KIF13A: variants seen among roughly 807,000 people sequenced by gnomAD.
KIF13A encodes the protein kinesin-like protein KIF13A.
KIF13A carries 79 observed loss-of-function variants against 212.2 expected under a neutral mutation model. The ratio of observed to expected loss-of-function variants is 0.37; its 90% CI spans 0.31 to 0.45. The LOEUF is 0.45. KIF13A is among the 20% of genes least tolerant of loss of function. KIF13A has a pLI of 1.00. For synonymous variants in KIF13A, 789 were observed against 808.6 expected, an observed-to-expected ratio of 0.98 and a Z score of 0.41; for missense variants, 1,901 against 2,209.0, an observed-to-expected ratio of 0.86 and a Z score of 2.79.
rs530282348 is a variant in KIF13A at position 17,886,650 on chromosome 6, A to C, written c.159+11518T>G. Among the ~76,000 whole-genome samples, 1 of 152,286 alleles carries C rather than the reference A, an allele frequency of 6.6e-6. No homozygotes were observed. Among genetic ancestry groups the C allele is most frequent in the East Asian group, 1.9e-4 (1 of 5,178 alleles). On this transcript the variant is annotated intron_variant, in intron 3 of 38. Transcript: ENST00000259711. The surrounding 1 kb of genome is among the most constrained non-coding windows in gnomAD (Gnocchi z 5.6). ...AGTGAGAACATTTGGTTCTGAACAAAGTCGGGCAGAAGGAAAGGGGAGAGT... is the reference window on the plus strand; with the variant it reads ...AGTGAGAACATTTGGTTCTGAACAACGTCGGGCAGAAGGAAAGGGGAGAGT...
intron 22 of KIF13A, among the ~76,000 whole-genome samples, chr6:17,797,273 C>A (rs1335658824): frequency 6.6e-6 from 1 of 152,050 alleles, no homozygotes. Context: ...TCGTGATCCA[C>A]CTGCCTCGGC....
Position 17,771,369 on chromosome 6 carries a change from A to G in KIF13A, c.4477-151T>C. ...CAATTCTGCAGGCCAGAGTTAAACT[A>G]CTGGAGAGATATGACAGGAATAAAC... On this transcript the variant is annotated intron_variant, in intron 37 of 38. Coordinates refer to ENST00000259711, the MANE Select transcript of KIF13A (RefSeq NM_022113.6). This position sits in a 1 kb window ranked among gnomAD's most constrained non-coding sequence, Gnocchi z 5.4. The G allele has an allele frequency of 1.7e-6, 1 of 597,588 alleles. No individual in the cohort carries two copies. 37.0% of individuals were successfully genotyped at this position (597,588 alleles called of 1,614,324 possible).
At chr6:17,810,626 A>C (rs1319561612) in intron 17 of KIF13A, among the ~76,000 whole-genome samples, 1 of 152,204 alleles carries the variant, frequency 6.6e-6, no homozygotes, top group African/African-American at 2.4e-5. Context: ...CAATGAAATA[A>C]TGATACAGCT....
chr6:17,874,499 G>A (rs866703466), intron 3 of KIF13A, among the ~76,000 whole-genome samples: 3 of 151,852 alleles, frequency 2.0e-5, no homozygotes, highest in African/African-American at 4.8e-5. Flanking sequence ...GCAGTGGTGC[G>A]ATCTCGGCTC....
At chr6:17,807,057 T>C (rs1440286314) in intron 18 of KIF13A, among the ~76,000 whole-genome samples, 1 of 152,234 alleles carries the variant, frequency 6.6e-6, no homozygotes, top group Non-Finnish European at 1.5e-5. Context: ...CTTTGTAAGC[T>C]GAAGATGTAC....
At chr6:17,891,549 G>A (rs1772058758) in intron 3 of KIF13A, among the ~76,000 whole-genome samples, 1 of 152,150 alleles carries the variant, frequency 6.6e-6, no homozygotes, top group South Asian at 2.1e-4. Context: ...CTTGAAGCCA[G>A]GAGTTTGAGA....
chr6:17,828,983 T>A lies in KIF13A; in HGVS notation c.1402-613A>T, dbSNP rs561333345. ...TTTTTTTTGACATGGTGTCTCACTC[T>A]GTCACCCAGGCTGGAGTGCAGTGGT... On this transcript the variant is annotated intron_variant, in intron 13 of 38. Coordinates refer to ENST00000259711, the MANE Select transcript of KIF13A (RefSeq NM_022113.6). This position sits in a 1 kb window ranked among gnomAD's most constrained non-coding sequence, Gnocchi z 4.3. Among the ~76,000 whole-genome samples, 1 of 152,020 alleles carries A rather than the reference T, an allele frequency of 6.6e-6. No homozygotes were observed. The highest frequency in any genetic ancestry group is 2.1e-4 in the South Asian group (1 of 4,810).
intron 17 of KIF13A, chr6:17,815,539 G>A: frequency 2.7e-6 from 1 of 376,690 alleles, no homozygotes; most frequent in Non-Finnish European, 5.5e-6. Context: ...TAGTGGCCCT[G>A]TTTGGGAGTA....
chr6:17,893,097 T>C (rs1436141708), intron 3 of KIF13A, among the ~76,000 whole-genome samples: 2 of 152,178 alleles, frequency 1.3e-5, no homozygotes, highest in Admixed American at 1.3e-4. Context: ...TTGAACTAGA[T>C]AGTAGGGCAC....
At chr6:17,818,937 T>C (rs1764187557) in intron 16 of KIF13A, among the ~76,000 whole-genome samples, 1 of 152,186 alleles carries the variant, frequency 6.6e-6, no homozygotes, top group Non-Finnish European at 1.5e-5. Flanking sequence ...TTCAGCATGT[T>C]TTCAAAGAAG....
At chr6:17,760,964 C>T, downstream of KIF13A, 1 of 1,378,294 alleles carries the variant, frequency 7.3e-7, no homozygotes. Context: ...CAGTCCACAC[C>T]CATCACAAGA....
Position 17,837,702 on chromosome 6 carries a change from A to G in KIF13A, c.831-119T>C. On this transcript the variant is annotated intron_variant, in intron 9 of 38. Coordinates refer to ENST00000259711, the MANE Select transcript of KIF13A (RefSeq NM_022113.6). This position sits in a 1 kb window ranked among gnomAD's most constrained non-coding sequence, Gnocchi z 5.4. ...GTTGGTGGCTCACGCCCGTAATCCCAGCACTTTGGGAGGCCAAGGTGGATG... is the reference window on the plus strand; with the variant it reads ...GTTGGTGGCTCACGCCCGTAATCCCGGCACTTTGGGAGGCCAAGGTGGATG... 1 of 708,596 alleles carries G rather than the reference A, an allele frequency of 1.4e-6. No individual in the cohort carries two copies. 43.9% of individuals were successfully genotyped at this position (708,596 alleles called of 1,614,324 possible). A position where few individuals can be genotyped will look rare whatever the true frequency, so the allele number is the denominator to read the frequency against.
At chr6:17,936,135 T>C (rs1047367437) in intron 2 of KIF13A, among the ~76,000 whole-genome samples, 2 of 152,186 alleles carry the variant, frequency 1.3e-5, no homozygotes, top group African/African-American at 2.4e-5. Context: ...TGAGCCTCTC[T>C]TCATTGCCCC....
chr6:17,794,762 T>C lies in KIF13A; in HGVS notation c.2943-58A>G, dbSNP rs146539318. On this transcript the variant is annotated intron_variant, in intron 23 of 38. Transcript: ENST00000259711. The surrounding 1 kb of genome is among the most constrained non-coding windows in gnomAD (Gnocchi z 4.1). ...CATCGTCCAGGGATACTGTTAGTAATAGTAATAAGCCACCATTCACTGAGC... is the reference window on the plus strand; with the variant it reads ...CATCGTCCAGGGATACTGTTAGTAACAGTAATAAGCCACCATTCACTGAGC... 16 of 1,548,422 alleles carry C rather than the reference T, an allele frequency of 1.0e-5. No homozygotes were observed. The highest frequency in any genetic ancestry group is 1.4e-5 in the African/African-American group (1 of 73,268).
chr6:17,823,901 C>T (rs909189733), intron 16 of KIF13A, among the ~76,000 whole-genome samples: 8 of 148,844 alleles, frequency 5.4e-5, no homozygotes, highest in African/African-American at 1.7e-4. Flanking sequence ...CCATGCCTGG[C>T]GTTTAATTTA....
intron 2 of KIF13A, among the ~76,000 whole-genome samples, chr6:17,916,630 T>C (rs1350812237): frequency 6.6e-6 from 1 of 152,188 alleles, no homozygotes; most frequent in Non-Finnish European, 1.5e-5. Context: ...ATAGACCCAA[T>C]GAACACCATT....
intron 18 of KIF13A, among the ~76,000 whole-genome samples, chr6:17,807,532 A>G (rs1248567706): frequency 1.3e-5 from 2 of 152,052 alleles, no homozygotes; most frequent in East Asian, 3.8e-4. Context: ...GTTTTCTGTT[A>G]TTTAAGATGT....
rs1772703158 is a variant in KIF13A at position 17,897,870 on chromosome 6, ATC to A, written c.159+296_159+297del. Reference sequence around the variant, plus strand: ...TCTGTGAGTTAGGACATGCTATTTCATCTCTCTGAGTCTCATTTCATCATCAA... The same window carrying A: ...TCTGTGAGTTAGGACATGCTATTTCATCTCTGAGTCTCATTTCATCATCAA... On this transcript the variant is annotated intron_variant, in intron 3 of 38. Coordinates refer to ENST00000259711, the MANE Select transcript of KIF13A (RefSeq NM_022113.6). This position sits in a 1 kb window ranked among gnomAD's most constrained non-coding sequence, Gnocchi z 4.8. 6.6e-6 allele frequency among the ~76,000 whole-genome samples: 1 copy of A among 152,120 alleles called. No homozygotes were observed. The highest frequency in any genetic ancestry group is 6.6e-5 in the Admixed American group (1 of 15,266).
chr6:17,792,180 G>A (rs898997240), intron 25 of KIF13A, among the ~76,000 whole-genome samples: 6 of 133,588 alleles, frequency 4.5e-5, no homozygotes, highest in African/African-American at 1.7e-4. Flanking sequence ...TCCAGCCTAG[G>A]GGACAGAGTG....
Sources: gnomAD v4.1 joint callset for allele counts (sites outside exome capture counted in the v4.1 genomes callset) on GRCh38, gnomAD v4.1.1 for gene constraint, Gnocchi (gnomAD v3.1) non-coding constraint, MANE v1.5 for transcripts, NCBI Gene and HGNC (gene_info 2026-07-23, HGNC 2026-07-21) for gene names.